ZNF804A: variants seen among roughly 807,000 people sequenced by gnomAD.
ZNF804A encodes zinc finger protein 804A.
In ZNF804A, 2 loss-of-function variants were observed where a neutral mutation model predicts 16.5. The ratio of observed to expected loss-of-function variants is 0.12; its 90% CI spans 0.05 to 0.38. ZNF804A has a LOEUF of 0.38. Among genes scored for constraint, ZNF804A ranks in the 10% least tolerant of loss-of-function variants. ZNF804A has a pLI of 0.99. For missense variants in ZNF804A, 1,473 were observed against 1,390.7 expected, an observed-to-expected ratio of 1.06 and a Z score of -0.94; for synonymous variants, 534 against 489.6, an observed-to-expected ratio of 1.09 and a Z score of -1.20.
At chr2:184,772,947 A>G (rs1311682830) in intron 1 of ZNF804A, among the ~76,000 whole-genome samples, 1 of 146,850 alleles carries the variant, frequency 6.8e-6, no homozygotes. Flanking sequence ...ATATACATAT[A>G]CATATATACA....
chr2:184,686,178 C>T (rs1179161638), intron 1 of ZNF804A, among the ~76,000 whole-genome samples: 1 of 152,210 alleles, frequency 6.6e-6, no homozygotes, highest in East Asian at 1.9e-4. Context: ...CCCAAGAGTG[C>T]AGGGATGCCT....
In ZNF804A at chr2:184,938,336, A is replaced by C. The variant is rs1685829888; in HGVS notation, c.2940A>C (p.Pro980=). 6.2e-7 allele frequency: 1 copy of C among 1,614,182 alleles called. No individual in the cohort carries two copies. The highest frequency in any genetic ancestry group is 2.2e-5 in the East Asian group (1 of 44,870). Residue 980 remains proline, a synonymous_variant, in exon 4 of 4, where the codon CCA becomes CCC. Transcript: ENST00000302277. ...LCHYELAEAL[P]QGKMNETPTE... ...ATTATGAACTGGCTGAGGCCCTTCC[A>C]CAAGGAAAGATGAATGAGACACCAA...
intron 1 of ZNF804A, among the ~76,000 whole-genome samples, chr2:184,747,665 A>G (rs1693810678): frequency 6.6e-6 from 1 of 151,116 alleles, no homozygotes; most frequent in African/African-American, 2.4e-5. Context: ...GTTTTAAAAT[A>G]TTTTCAATTT....
At chr2:184,899,396 T>A (rs951223054) in intron 2 of ZNF804A, among the ~76,000 whole-genome samples, 3 of 151,992 alleles carry the variant, frequency 2.0e-5, no homozygotes, top group Non-Finnish European at 4.4e-5. Context: ...TAGAATCTCT[T>A]TTTTACTTGC....
intron 1 of ZNF804A, among the ~76,000 whole-genome samples, chr2:184,803,931 C>T (rs1233454848): frequency 1.3e-5 from 2 of 151,996 alleles, no homozygotes; most frequent in Admixed American, 6.6e-5. Context: ...GGCATGATCT[C>T]GGCTCACTGC....
rs527607758 is a variant in ZNF804A, at chr2:184,857,534, A to T, written c.112-8835A>T. Among the ~76,000 whole-genome samples, 3 of 152,074 alleles carry T rather than the reference A, an allele frequency of 2.0e-5. No individual in the cohort carries two copies. The South Asian group carries it at 6.2e-4, about 32-fold the overall frequency. On this transcript the variant is annotated intron_variant, in intron 1 of 3. Coordinates refer to ENST00000302277, the MANE Select transcript of ZNF804A (RefSeq NM_194250.2). The stretch of plus-strand genomic sequence containing the variant: ...GTTTAAGTCCCATGTTTCCTTATTG[A>T]TTTTCTGTCTGAATGAACTGTCCAT...
chr2:184,766,790 T>C (rs373532336), intron 1 of ZNF804A, among the ~76,000 whole-genome samples: 1 of 152,250 alleles, frequency 6.6e-6, no homozygotes, highest in African/African-American at 2.4e-5. Flanking sequence ...TCATTCACAA[T>C]AGCCAAAATG....
In ZNF804A at chr2:184,631,305, T is replaced by A. The variant is rs146873316; in HGVS notation, c.111+32235T>A. ...CCCCCAGCAAAAATAAAAGCAATAGTAGAAAACAAATATCAAGAAGTCAGT... is the reference window on the plus strand; with the variant it reads ...CCCCCAGCAAAAATAAAAGCAATAGAAGAAAACAAATATCAAGAAGTCAGT... On this transcript the variant is annotated intron_variant, in intron 1 of 3. Coordinates refer to ENST00000302277, the MANE Select transcript of ZNF804A (RefSeq NM_194250.2). Among the ~76,000 whole-genome samples the A allele has an allele frequency of 7.2e-5, 11 of 152,218 alleles. No individual in the cohort carries two copies. In the East Asian group the frequency reaches 2.1e-3, roughly 29 times the overall value.
intron 2 of ZNF804A, among the ~76,000 whole-genome samples, chr2:184,893,553 T>C (rs1685019128): frequency 6.6e-6 from 1 of 151,926 alleles, no homozygotes; most frequent in Non-Finnish European, 1.5e-5. Flanking sequence ...ATTAAATTAG[T>C]CTCTCAGGGA....
chr2:184,890,203 G>A (rs1406777069), intron 2 of ZNF804A, among the ~76,000 whole-genome samples: 1 of 152,086 alleles, frequency 6.6e-6, no homozygotes, highest in Non-Finnish European at 1.5e-5. Context: ...ATAGCTGACT[G>A]GTAATTTTTA....
At chr2:184,882,368 A>G (rs1684821615) in intron 2 of ZNF804A, among the ~76,000 whole-genome samples, 1 of 152,080 alleles carries the variant, frequency 6.6e-6, no homozygotes, top group Non-Finnish European at 1.5e-5. Context: ...GGAAGAATTC[A>G]ATACCCCACT....
chr2:184,852,229 T>TTCTCCC (rs377476667), intron 1 of ZNF804A, among the ~76,000 whole-genome samples: 2 of 134,666 alleles, frequency 1.5e-5, no homozygotes, highest in African/African-American at 5.6e-5. Context: ...TGCGGTCTCT[T>TTCTCCC]TCTCTCTCTC....
At chr2:184,861,894 GTGATTTTATAACT>G (rs1390619698) in intron 1 of ZNF804A, among the ~76,000 whole-genome samples, 3 of 152,090 alleles carry the variant, frequency 2.0e-5, no homozygotes, top group Admixed American at 6.6e-5. Flanking sequence ...ATTAAGATTT[GTGATTTTATAACT>G]TGAAGGTATA....
At chr2:184,705,406 G>A (rs148342567) in intron 1 of ZNF804A, among the ~76,000 whole-genome samples, 10 of 152,226 alleles carry the variant, frequency 6.6e-5, no homozygotes, top group South Asian at 4.1e-4. Context: ...ACATATGTAC[G>A]CCCTGATTTC....
At chr2:184,776,054 C>T (rs10173282) in intron 1 of ZNF804A, among the ~76,000 whole-genome samples, 12 of 151,406 alleles carry the variant, frequency 7.9e-5, no homozygotes, top group African/African-American at 2.2e-4. Flanking sequence ...CTTGTTTGTA[C>T]CAGGCACCAT....
At chr2:184,747,110 C>T (rs1693800424) in intron 1 of ZNF804A, among the ~76,000 whole-genome samples, 1 of 151,010 alleles carries the variant, frequency 6.6e-6, no homozygotes, top group Admixed American at 6.6e-5. Context: ...GCCAGTTCAA[C>T]ATTAATATTA....
At chr2:184,763,974 T>G (rs914366320) in intron 1 of ZNF804A, among the ~76,000 whole-genome samples, 19 of 152,062 alleles carry the variant, frequency 1.2e-4, no homozygotes, top group African/African-American at 4.3e-4. Context: ...TCTCTATCTC[T>G]AACTTATACT....
At chr2:184,898,345 T>G (rs1174529136) in intron 2 of ZNF804A, among the ~76,000 whole-genome samples, 1 of 151,860 alleles carries the variant, frequency 6.6e-6, no homozygotes, top group Non-Finnish European at 1.5e-5. Flanking sequence ...AAGAAAAGAG[T>G]GTTTTTACTC....
intron 1 of ZNF804A, among the ~76,000 whole-genome samples, chr2:184,607,956 T>A: frequency 7.4e-6 from 1 of 134,616 alleles, no homozygotes. Flanking sequence ...TTTTTTTTTT[T>A]TTTTTTTGAG....
Sources: allele counts gnomAD v4.1 joint callset (sites outside exome capture counted in the v4.1 genomes callset), GRCh38; gene constraint gnomAD v4.1.1; transcripts MANE v1.5; gene names NCBI Gene and HGNC (gene_info 2026-07-23, HGNC 2026-07-21).